FBXL19: variants seen among roughly 807,000 people sequenced by gnomAD.
FBXL19 encodes F-box/LRR-repeat protein 19.
In FBXL19, 16 loss-of-function variants were observed where a neutral mutation model predicts 71.2. The ratio of observed to expected loss-of-function variants is 0.22; its 90% CI spans 0.15 to 0.34. FBXL19 has a LOEUF of 0.34. Among genes scored for constraint, FBXL19 ranks in the 10% least tolerant of loss-of-function variants. FBXL19 has a pLI of 1.00. For missense variants in FBXL19, 658 were observed against 968.2 expected, an observed-to-expected ratio of 0.68 and a Z score of 4.25; for synonymous variants, 447 against 409.4, an observed-to-expected ratio of 1.09 and a Z score of -1.11.
In FBXL19 at chr16:30,930,356, G is replaced by A. The variant is rs763276856; in HGVS notation, c.1073G>A (p.Gly358Glu). 1.3e-6 allele frequency: 2 copies of A among 1,575,392 alleles called. No individual in the cohort carries two copies. The highest frequency in any genetic ancestry group is 1.3e-5 in the African/African-American group (1 of 74,222). ...CGGCGGGCTGTGCGCCCTGGCAGTG[G>A]GGGGCCCCTACTCAGCTGGCCCCTG... Reference protein sequence around the residue: ...GGRRAVRPGSGGPLLSWPLGP... With the variant: ...GGRRAVRPGSEGPLLSWPLGP... Residue 358 changes from glycine to glutamate, a missense_variant, in exon 7 of 11, where the codon GGG becomes GAG. This residue lies in a region of FBXL19 where 447 missense variants were observed against 515.4 expected (regional missense o/e 0.87). Coordinates refer to ENST00000338343, the MANE Select transcript of FBXL19 (RefSeq NM_001382779.1). This position sits in a 1 kb window ranked among gnomAD's most constrained non-coding sequence, Gnocchi z 8.5.
rs1020420116 is a variant in FBXL19, at chr16:30,930,009, G to C, written c.790-64G>C. On this transcript the variant is annotated intron_variant, in intron 6 of 10. Transcript: ENST00000338343. This position sits in a 1 kb window ranked among gnomAD's most constrained non-coding sequence, Gnocchi z 8.5. ...GCTGTTCATCCCCTGGTGACTCCTC[G>C]GGGTAGGGGGGTGGGAAAATGTATC... is the stretch of plus-strand genomic sequence containing the variant. The C allele has an allele frequency of 1.3e-6, 2 of 1,547,296 alleles. No individual in the cohort carries two copies. Among genetic ancestry groups the C allele is most frequent in the South Asian group, 1.2e-5 (1 of 81,140 alleles).
At chr16:30,923,460 G>A (rs1391858592), upstream of FBXL19, among the ~76,000 whole-genome samples, 1 of 151,530 alleles carries the variant, frequency 6.6e-6, no homozygotes, top group African/African-American at 2.4e-5. Context: ...GAAAGTGGAG[G>A]TGGTGGAGGA....
At chr16:30,927,194 G>C (rs1243696174) in intron 2 of FBXL19, 114 bp from the exon 3 acceptor site, 12 of 1,116,952 alleles carry the variant, frequency 1.1e-5, no homozygotes, top group African/African-American at 3.2e-5. Context: ...ATCAGACCCA[G>C]CTTGACCCGT....
chr16:30,932,179 C>G (rs764304773), intron 7 of FBXL19, among the ~76,000 whole-genome samples: 15 of 152,166 alleles, frequency 9.9e-5, no homozygotes, highest in Non-Finnish European at 1.8e-4. Flanking sequence ...AGCACAGTAC[C>G]TGGGAAATAG....
At chr16:30,933,559 C>T (rs1173018336) in intron 7 of FBXL19, among the ~76,000 whole-genome samples, 5 of 152,098 alleles carry the variant, frequency 3.3e-5, no homozygotes, top group Non-Finnish European at 7.4e-5. Context: ...AAGCAATCCT[C>T]CTGCCTCAGC....
rs1275073399 is a variant in FBXL19, at chr16:30,947,674, T to A, written c.*444T>A. On this transcript the variant is annotated 3_prime_UTR_variant, in exon 11 of 11. Coordinates refer to ENST00000338343, the MANE Select transcript of FBXL19 (RefSeq NM_001382779.1). ...GGGAACAAAGACCAGTTACTTGGAG[T>A]GGGGGGTGGGGGTGGGGCCACAAAA... 3 of 128,984 alleles carry A rather than the reference T, an allele frequency of 2.3e-5. No individual in the cohort carries two copies. Among genetic ancestry groups the A allele is most frequent in the Admixed American group, 1.5e-4 (1 of 6,544 alleles). The allele number at this position is 128,984 out of a possible 1,614,324, so 8.0% of individuals were successfully genotyped here.
In FBXL19 at chr16:30,928,647, C is replaced by A; in HGVS notation, c.789+19C>A. On this transcript the variant is annotated intron_variant, in intron 6 of 10. Transcript: ENST00000338343. ...CTGGGAGGTGTGCCGGGGACCTCCTCCCTCCCCTTCCCACCTTCCCTTGCC... is the reference window on the plus strand; with the variant it reads ...CTGGGAGGTGTGCCGGGGACCTCCTACCTCCCCTTCCCACCTTCCCTTGCC... 6 of 1,508,806 alleles carry A rather than the reference C, an allele frequency of 4.0e-6. No individual in the cohort carries two copies. The South Asian group carries it at 7.7e-5, about 19-fold the overall frequency. The allele number at this position is 1,508,806 out of a possible 1,614,324, so 93.5% of individuals were successfully genotyped here.
intron 1 of FBXL19, chr16:30,924,762 A>C (rs755467224): frequency 4.0e-6 from 6 of 1,490,366 alleles, no homozygotes; most frequent in East Asian, 2.7e-5. Context: ...GAAAGGGGGA[A>C]TCTGGGGTAA....
upstream of FBXL19, chr16:30,922,926 A>G (rs2055538928): frequency 2.5e-6 from 1 of 402,170 alleles, no homozygotes; most frequent in South Asian, 1.8e-5. Flanking sequence ...GTAGCCTGCC[A>G]TCTTTACGGT....
chr16:30,927,699 T>C lies in FBXL19; in HGVS notation c.408+40T>C, dbSNP rs574467573. ...GGGCTGAGCTGTGGGTAGGTGGGTG[T>C]TGGGGAGCTGTGCAGGTCCTCACCC... On this transcript the variant is annotated intron_variant, in intron 4 of 10. Transcript: ENST00000338343. 301 of 1,557,812 alleles carry C rather than the reference T, an allele frequency of 1.9e-4. 4 individuals carry two copies. The Admixed American group carries it at 5.7e-3, about 29-fold the overall frequency.
At chr16:30,924,683 G>C in intron 1 of FBXL19, 1 of 1,440,748 alleles carries the variant, frequency 6.9e-7, no homozygotes. Context: ...TGCAGTCGCC[G>C]CCCTCCAGGC....
chr16:30,927,741 C>T lies in FBXL19; in HGVS notation c.409-4C>T. 6.4e-7 allele frequency: 1 copy of T among 1,557,094 alleles called. No homozygotes were observed. The highest frequency in any genetic ancestry group is 1.4e-5 in the African/African-American group (1 of 73,482). On this transcript the variant is annotated splice_region_variant and splice_polypyrimidine_tract_variant and intron_variant, in intron 4 of 10. Transcript: ENST00000338343. Reference sequence around the variant, plus strand: ...TCCTCACCCCCAGCTTCTGTCCCGCCTAGGATTCAGGTGAGGGGCCTGGCC... The same window carrying T: ...TCCTCACCCCCAGCTTCTGTCCCGCTTAGGATTCAGGTGAGGGGCCTGGCC...
Position 30,942,058 on chromosome 16 carries a change from A to C in FBXL19, c.1302-58A>C. On this transcript the variant is annotated intron_variant, in intron 7 of 10. Coordinates refer to ENST00000338343, the MANE Select transcript of FBXL19 (RefSeq NM_001382779.1). This position sits in a 1 kb window ranked among gnomAD's most constrained non-coding sequence, Gnocchi z 5.7. ...ACCCTTGGAGCTGGGGAGCCTGGGA[A>C]CTGTGGGCTGCTGAGAGCTGAGGGC... The C allele has an allele frequency of 2.1e-6, 3 of 1,463,080 alleles. No homozygotes were observed. The highest frequency in any genetic ancestry group is 2.7e-6 in the Non-Finnish European group (3 of 1,102,496). The allele number at this position is 1,463,080 out of a possible 1,614,324, so 90.6% of individuals were successfully genotyped here. A position where few individuals can be genotyped will look rare whatever the true frequency, so the allele number is the denominator to read the frequency against.
rs575715691 is a variant in FBXL19 at position 30,930,689 on chromosome 16, G to A, written c.1301+105G>A. Reference sequence around the variant, plus strand: ...CTCTCTGGGCCTTGCTTTTATATTGGGGATACTTCTCTAGTATGCACAGAT... The same window carrying A: ...CTCTCTGGGCCTTGCTTTTATATTGAGGATACTTCTCTAGTATGCACAGAT... On this transcript the variant is annotated intron_variant, in intron 7 of 10. Transcript: ENST00000338343. This position sits in a 1 kb window ranked among gnomAD's most constrained non-coding sequence, Gnocchi z 8.5. The A allele has an allele frequency of 7.3e-6, 9 of 1,239,174 alleles. No individual in the cohort carries two copies. The East Asian group carries it at 1.5e-4, about 20-fold the overall frequency. 76.8% of individuals were successfully genotyped at this position (1,239,174 alleles called of 1,614,324 possible). A position where few individuals can be genotyped will look rare whatever the true frequency, so the allele number is the denominator to read the frequency against.
Position 30,930,368 on chromosome 16 carries a change from T to C in FBXL19, c.1085T>C (p.Leu362Pro). The change falls in exon 7 of 11, where the codon CTC (leucine) becomes CCC (proline). Residue 362 changes from leucine to proline, a missense_variant. By Grantham distance (98) the Leu-to-Pro change is moderately conservative. Around this residue, in one of 8 missense-constraint regions of FBXL19, gnomAD observed 447 missense variants for 515.4 expected, o/e 0.87. Transcript: ENST00000338343. This position sits in a 1 kb window ranked among gnomAD's most constrained non-coding sequence, Gnocchi z 8.5. ...CGCCCTGGCAGTGGGGGGCCCCTAC[T>C]CAGCTGGCCCCTGGGCCCAGCCCCA... The part of the protein sequence containing the change: ...AVRPGSGGPL[L>P]SWPLGPAPPP... 1 of 1,559,730 alleles carries C rather than the reference T, an allele frequency of 6.4e-7. No homozygotes were observed. Among genetic ancestry groups the C allele is most frequent in the Non-Finnish European group, 8.6e-7 (1 of 1,157,820 alleles).
At chr16:30,943,617 G>A (rs922692836) in intron 9 of FBXL19, among the ~76,000 whole-genome samples, 16 of 151,810 alleles carry the variant, frequency 1.1e-4, no homozygotes, top group Non-Finnish European at 1.9e-4. Flanking sequence ...CTCATGATCC[G>A]CCTGCCTCGG....
chr16:30,942,446 G>A lies in FBXL19; in HGVS notation c.1537G>A (p.Ala513Thr), dbSNP rs373826839. The A allele has an allele frequency of 1.0e-5, 16 of 1,606,870 alleles. No homozygotes were observed. The African/African-American group carries it at 2.1e-4, about 22-fold the overall frequency. ...TGCCCTGGGCTCAGCCCCACTGCCA[G>A]CCCTGCGGCTCCTGGACCTCCGCTG... ...VSALGSAPLP[A>T]LRLLDLRWIE... Residue 513 changes from alanine (A) to threonine (T), a missense_variant, in exon 9 of 11, where the codon GCC becomes ACC. Around this residue, in one of 8 missense-constraint regions of FBXL19, gnomAD observed 21 missense variants for 45.1 expected, o/e 0.47. Coordinates refer to ENST00000338343, the MANE Select transcript of FBXL19 (RefSeq NM_001382779.1). The surrounding 1 kb of genome is among the most constrained non-coding windows in gnomAD (Gnocchi z 5.7).
chr16:30,924,671 C>T (rs1650176490), intron 1 of FBXL19: 1 of 1,441,536 alleles, frequency 6.9e-7, no homozygotes, highest in Non-Finnish European at 9.1e-7. Flanking sequence ...CCCACCCCCG[C>T]CTGCAGTCGC....
chr16:30,933,213 G>C (rs2055694743), intron 7 of FBXL19, among the ~76,000 whole-genome samples: 1 of 152,172 alleles, frequency 6.6e-6, no homozygotes, highest in South Asian at 2.1e-4. Context: ...ATGTTGGTCA[G>C]GCTGGTCTCG....
Sources: allele counts gnomAD v4.1 joint callset (sites outside exome capture counted in the v4.1 genomes callset), GRCh38; gene constraint gnomAD v4.1.1; regional missense constraint gnomAD v4.1.1; non-coding constraint Gnocchi (gnomAD v3.1); transcripts MANE v1.5; gene names NCBI Gene and HGNC (gene_info 2026-07-23, HGNC 2026-07-21).